The following STXBP5L variants were observed in gnomAD, a reference collection of about 807,000 sequenced individuals.
The protein encoded by STXBP5L is syntaxin binding protein 5L.
A neutral mutation model predicts 144.5 loss-of-function variants in STXBP5L; 65 were observed. That is an observed-to-expected ratio of 0.45 (90% confidence interval 0.37 to 0.55). STXBP5L has a LOEUF of 0.55. Among genes scored for constraint, STXBP5L ranks in the 20% least tolerant of loss-of-function variants. The pLI is 0.00. For synonymous variants in STXBP5L, 505 were observed against 469.6 expected (o/e 1.08, Z -0.97); for missense variants, 1,298 against 1,405.5 (o/e 0.92, Z 1.22).
At chr3:121,266,047 G>A (rs768302558) in intron 18 of STXBP5L, among the ~76,000 whole-genome samples, 4 of 152,070 alleles carry the variant, frequency 2.6e-5, no homozygotes, top group Non-Finnish European at 5.9e-5. Flanking sequence ...TCTACCAGAG[G>A]TACAAAGAGG....
intron 2 of STXBP5L, among the ~76,000 whole-genome samples, chr3:120,910,131 G>A (rs1376368145): frequency 6.6e-6 from 1 of 152,130 alleles, no homozygotes; most frequent in Non-Finnish European, 1.5e-5. Flanking sequence ...AGTATGAAAT[G>A]AATAAAGCTA....
At chr3:121,000,451 G>A (rs1943680782) in intron 3 of STXBP5L, among the ~76,000 whole-genome samples, 1 of 151,988 alleles carries the variant, frequency 6.6e-6, no homozygotes, top group African/African-American at 2.4e-5. Context: ...AGTTTTTCAT[G>A]TCTATCAGAT....
At chr3:120,975,197 G>T (rs1198845699) in intron 3 of STXBP5L, among the ~76,000 whole-genome samples, 3 of 151,944 alleles carry the variant, frequency 2.0e-5, no homozygotes, top group Admixed American at 6.6e-5. Context: ...CTTCCATTTG[G>T]TTGTATCCTC....
intron 3 of STXBP5L, among the ~76,000 whole-genome samples, chr3:120,974,868 T>C (rs1415410972): frequency 6.6e-6 from 1 of 152,170 alleles, no homozygotes; most frequent in African/African-American, 2.4e-5. Flanking sequence ...TGCGGTGTTA[T>C]TTCTGAGGGC....
At chr3:121,180,086 ACTC>A (rs66599203) in intron 9 of STXBP5L, among the ~76,000 whole-genome samples, 138 of 152,274 alleles carry the variant, frequency 9.1e-4, no homozygotes, top group Non-Finnish European at 1.8e-3. Flanking sequence ...AGCTCAAAGA[ACTC>A]CTGGGAAATT....
At chr3:121,079,790 T>C (rs182480892) in intron 5 of STXBP5L, among the ~76,000 whole-genome samples, 200 of 152,314 alleles carry the variant, frequency 1.3e-3, no homozygotes, top group African/African-American at 4.6e-3. Flanking sequence ...GAGAAGAATG[T>C]ATTATGCAGT....
chr3:120,971,957 C>G (rs1940322958), intron 3 of STXBP5L, among the ~76,000 whole-genome samples: 1 of 151,938 alleles, frequency 6.6e-6, no homozygotes, highest in Non-Finnish European at 1.5e-5. Context: ...GATTCCATGA[C>G]TTTGCTATTG....
rs904878506 is a variant in STXBP5L at position 121,056,877 on chromosome 3, G to A, written c.470+11342G>A. 1.1e-4 allele frequency among the ~76,000 whole-genome samples: 16 copies of A among 151,200 alleles called. No individual in the cohort carries two copies. The South Asian group carries it at 2.9e-3, about 28-fold the overall frequency. The stretch of plus-strand genomic sequence containing the variant: ...TATTTTTACATATATCATATATAGA[G>A]AGAATATCATATTTTTTTGTTAAAC... On this transcript the variant is annotated intron_variant, in intron 5 of 26. Coordinates refer to ENST00000471454, the MANE Select transcript of STXBP5L (RefSeq NM_001308330.2).
In STXBP5L at chr3:121,415,961, A is replaced by G. The variant is rs2047222392; in HGVS notation, c.3219A>G (p.Glu1073=). The change falls in exon 25 of 27, where the codon GAA becomes GAG. Residue 1073 remains glutamate, a synonymous_variant. Transcript: ENST00000471454. ...FGGSGQTFDR[E]ELFGEASAGK... is the part of the protein sequence containing the mutation. Reference sequence around the variant, plus strand: ...GAAGCGGACAAACATTTGACAGAGAAGAGCTCTGTGAGTAAATTCCTGATT... The same window carrying G: ...GAAGCGGACAAACATTTGACAGAGAGGAGCTCTGTGAGTAAATTCCTGATT... The G allele has an allele frequency of 1.9e-6, 3 of 1,611,528 alleles. No homozygotes were observed. In the Admixed American group the frequency reaches 5.0e-5, roughly 27 times the overall value.
At position 121,334,190 on chromosome 3, in the gene STXBP5L, T is replaced by C. The variant is rs72968087; in HGVS notation, c.2176+15650T>C. ...CCATGTGGAACTGTAAGTCCAATTATCTCTGTCTTTTGTAAATTGTCCAGT... is the reference window on the plus strand; with the variant it reads ...CCATGTGGAACTGTAAGTCCAATTACCTCTGTCTTTTGTAAATTGTCCAGT... On this transcript the variant is annotated intron_variant, in intron 20 of 26. Transcript: ENST00000471454. 2.5e-3 allele frequency among the ~76,000 whole-genome samples: 381 copies of C among 152,286 alleles called. 2 individuals carry two copies. Among genetic ancestry groups the C allele is most frequent in the African/African-American group, 8.6e-3 (358 of 41,560 alleles).
chr3:121,276,741 A>T (rs1206933049), intron 18 of STXBP5L, among the ~76,000 whole-genome samples: 2 of 150,948 alleles, frequency 1.3e-5, no homozygotes, highest in Non-Finnish European at 2.9e-5. Flanking sequence ...CATGTAATAA[A>T]TTTTTTTATC....
intron 19 of STXBP5L, among the ~76,000 whole-genome samples, chr3:121,282,859 T>C (rs2051106105): frequency 6.6e-6 from 1 of 152,028 alleles, no homozygotes; most frequent in African/African-American, 2.4e-5. Flanking sequence ...TCTATGGTGA[T>C]TTAAGGCACT....
At chr3:121,119,886 T>A (rs73189341) in intron 6 of STXBP5L, among the ~76,000 whole-genome samples, 5,356 of 151,340 alleles carry the variant, frequency 0.035, 143 homozygotes, top group Middle Eastern at 0.082. Context: ...TAACGGAAGT[T>A]TAATGTTAGA....
chr3:121,325,666 T>G (rs1313202437), intron 20 of STXBP5L, among the ~76,000 whole-genome samples: 1 of 152,008 alleles, frequency 6.6e-6, no homozygotes, highest in Non-Finnish European at 1.5e-5. Context: ...TTCAAAATAA[T>G]TTTTAGTTCT....
rs149102323 is a variant in STXBP5L at position 121,031,646 on chromosome 3, G to A, written c.288-10054G>A. ...GGGTAACCTGCTGTATTCAAAATCT[G>A]CTGATTTAAATATTAATCACATAAA... On this transcript the variant is annotated intron_variant, in intron 3 of 26. Coordinates refer to ENST00000471454, the MANE Select transcript of STXBP5L (RefSeq NM_001308330.2). 7.6e-4 allele frequency among the ~76,000 whole-genome samples: 115 copies of A among 152,102 alleles called. 1 individual carries two copies. Among genetic ancestry groups the A allele is most frequent in the Non-Finnish European group, 1.3e-3 (89 of 67,992 alleles).
intron 5 of STXBP5L, among the ~76,000 whole-genome samples, chr3:121,054,727 C>T (rs986982382): frequency 6.6e-6 from 1 of 152,008 alleles, no homozygotes; most frequent in Non-Finnish European, 1.5e-5. Flanking sequence ...TACCGTAAAA[C>T]TTAAAGTATA....
At chr3:121,012,731 G>A (rs942272297) in intron 3 of STXBP5L, among the ~76,000 whole-genome samples, 5 of 151,772 alleles carry the variant, frequency 3.3e-5, no homozygotes, top group African/African-American at 9.7e-5. Flanking sequence ...GTGCAGGTTT[G>A]TTACATTGGT....
At chr3:121,142,826 C>T (rs1207213330) in intron 7 of STXBP5L, among the ~76,000 whole-genome samples, 1 of 151,528 alleles carries the variant, frequency 6.6e-6, no homozygotes. Flanking sequence ...AACTTTACCT[C>T]AAGGAACTAG....
chr3:121,190,402 C>T (rs1238430890), intron 9 of STXBP5L, among the ~76,000 whole-genome samples: 2 of 152,210 alleles, frequency 1.3e-5, no homozygotes, highest in Non-Finnish European at 2.9e-5. Context: ...CATCCCAAGG[C>T]AGAAGAATTT....
Sources: allele counts gnomAD v4.1 joint callset (sites outside exome capture counted in the v4.1 genomes callset), GRCh38; gene constraint gnomAD v4.1.1; transcripts MANE v1.5; gene names NCBI Gene and HGNC (gene_info 2026-07-23, HGNC 2026-07-21).